Variants in EGFR observed in about 807,000 individuals in gnomAD.
EGFR encodes epidermal growth factor receptor.
Under a neutral mutation model 143.0 loss-of-function variants are expected in EGFR, and 58 were observed. The observed-to-expected ratio is 0.41, with a 90% CI of 0.33 to 0.50. EGFR has a LOEUF of 0.50. EGFR is among the 20% of genes least tolerant of loss of function. The pLI, the probability that EGFR is intolerant of heterozygous loss-of-function variation, is 0.39. For missense variants in EGFR, 1,307 were observed against 1,579.0 expected (o/e 0.83, Z 2.92); for synonymous variants, 613 against 594.4 (o/e 1.03, Z -0.45).
At chr7:55,156,010 C>A in intron 8 of EGFR, 64 bp downstream of exon 8, 1 of 1,134,500 alleles carries the variant, frequency 8.8e-7, no homozygotes, top group Non-Finnish European at 1.3e-6. Context: ...GCTCTCATGC[C>A]ACCTCCAAAG....
At chr7:55,035,983 A>G (rs1787542486) in intron 1 of EGFR, among the ~76,000 whole-genome samples, 1 of 151,882 alleles carries the variant, frequency 6.6e-6, no homozygotes, top group Admixed American at 6.6e-5. Context: ...AAAGCCCACT[A>G]TTTTAATTAT....
intron 1 of EGFR, among the ~76,000 whole-genome samples, chr7:55,120,165 G>A (rs1184245104): frequency 6.6e-6 from 1 of 152,172 alleles, no homozygotes; most frequent in Non-Finnish European, 1.5e-5. Flanking sequence ...CTGTGATCAG[G>A]TGCTGCCCTC....
At chr7:55,068,647 T>C (rs1177107003) in intron 1 of EGFR, among the ~76,000 whole-genome samples, 1 of 151,272 alleles carries the variant, frequency 6.6e-6, no homozygotes, top group East Asian at 2.0e-4. Flanking sequence ...CGTTACCAAC[T>C]GGCACAATTC....
At chr7:55,170,597 G>A in intron 15 of EGFR, 1 of 1,607,900 alleles carries the variant, frequency 6.2e-7, no homozygotes, top group Non-Finnish European at 8.5e-7. Flanking sequence ...TGCCACCCCT[G>A]CACGTGGGCC....
chr7:55,141,160 T>A (rs1794436710), intron 1 of EGFR, among the ~76,000 whole-genome samples: 1 of 152,168 alleles, frequency 6.6e-6, no homozygotes, highest in African/African-American at 2.4e-5. Context: ...CAATCCAACA[T>A]CCAAAGCCAG....
At position 55,033,701 on chromosome 7, in the gene EGFR, C is replaced by T. The variant is rs60770898; in HGVS notation, c.88+14336C>T. On this transcript the variant is annotated intron_variant, in intron 1 of 27. Coordinates refer to ENST00000275493, the MANE Select transcript of EGFR (RefSeq NM_005228.5). ...TCCCGTGGTCTGGACCCTGGGAAGTCGCCAAGAGCCAGACAGGAGAAAGGC... is the reference window on the plus strand; with the variant it reads ...TCCCGTGGTCTGGACCCTGGGAAGTTGCCAAGAGCCAGACAGGAGAAAGGC... Among the ~76,000 whole-genome samples the T allele has an allele frequency of 3.4e-3, 515 of 152,240 alleles. 4 individuals carry two copies. The highest frequency in any genetic ancestry group is 0.027 in the East Asian group (139 of 5,160).
intron 1 of EGFR, among the ~76,000 whole-genome samples, chr7:55,125,454 C>T (rs1002712855): frequency 2.0e-5 from 3 of 152,222 alleles, no homozygotes; most frequent in South Asian, 4.1e-4. Flanking sequence ...CTGCCAGAAG[C>T]CAGGCTCATT....
chr7:55,069,866 A>G (rs1254717501), intron 1 of EGFR, among the ~76,000 whole-genome samples: 3 of 152,216 alleles, frequency 2.0e-5, no homozygotes, highest in Admixed American at 2.0e-4. Flanking sequence ...CCCACTAATC[A>G]TCATTCTCTG....
At chr7:55,163,693 C>T in intron 13 of EGFR, 40 bp from the exon 14 acceptor site, 3 of 1,564,848 alleles carry the variant, frequency 1.9e-6, no homozygotes, top group Non-Finnish European at 2.6e-6. Flanking sequence ...GCAATAATGT[C>T]TCAGGGGTGG....
At chr7:55,074,251 A>G (rs1790007977) in intron 1 of EGFR, among the ~76,000 whole-genome samples, 1 of 152,226 alleles carries the variant, frequency 6.6e-6, no homozygotes, top group African/African-American at 2.4e-5. Flanking sequence ...TTCGACCATG[A>G]GTCCTGTCCA....
At chr7:55,047,939 C>T (rs1583906710) in intron 1 of EGFR, among the ~76,000 whole-genome samples, 1 of 151,894 alleles carries the variant, frequency 6.6e-6, no homozygotes. Context: ...TATATCTAGA[C>T]AAATGTGAAT....
intron 23 of EGFR, 92 bp downstream of exon 23, chr7:55,198,955 A>G (rs2128969106): frequency 6.6e-7 from 1 of 1,517,434 alleles, no homozygotes; most frequent in African/African-American, 1.4e-5. Flanking sequence ...CCCTGGAGAA[A>G]TGTCATCACA....
intron 23 of EGFR, 146 bp downstream of exon 23, chr7:55,199,009 C>T (rs1787736575): frequency 9.5e-7 from 1 of 1,057,080 alleles, no homozygotes; most frequent in Non-Finnish European, 1.4e-6. Flanking sequence ...CTGTAAATAC[C>T]CCTTCAAGCA....
At chr7:55,039,250 A>G (rs909862628) in intron 1 of EGFR, among the ~76,000 whole-genome samples, 1 of 152,214 alleles carries the variant, frequency 6.6e-6, no homozygotes, top group Non-Finnish European at 1.5e-5. Context: ...AAGGCTTTCT[A>G]TGACCTGCTC....
chr7:55,027,879 T>C lies in EGFR; in HGVS notation c.88+8514T>C, dbSNP rs373338322. Among the ~76,000 whole-genome samples the C allele has an allele frequency of 4.6e-5, 7 of 151,674 alleles. No individual in the cohort carries two copies. The East Asian group carries it at 9.7e-4, about 21-fold the overall frequency. On this transcript the variant is annotated intron_variant, in intron 1 of 27. Coordinates refer to ENST00000275493, the MANE Select transcript of EGFR (RefSeq NM_005228.5). ...AAAGCTGTACAATGTTACCTATTTA[T>C]TTGCAGACATCCTTTGGAAACAAAT...
intron 1 of EGFR, among the ~76,000 whole-genome samples, chr7:55,049,445 C>A (rs759788105): frequency 6.6e-6 from 1 of 152,184 alleles, no homozygotes; most frequent in African/African-American, 2.4e-5. Context: ...AAGGGTTAGG[C>A]CTAGGCTTTT....
At chr7:55,117,791 C>G (rs974925184) in intron 1 of EGFR, among the ~76,000 whole-genome samples, 1 of 152,180 alleles carries the variant, frequency 6.6e-6, no homozygotes, top group African/African-American at 2.4e-5. Flanking sequence ...ACAGTCAGGG[C>G]TGCGGAAAAG....
intron 13 of EGFR, among the ~76,000 whole-genome samples, chr7:55,162,387 G>A (rs557916937): frequency 4.6e-5 from 7 of 152,366 alleles, no homozygotes; most frequent in African/African-American, 1.7e-4. Flanking sequence ...ATGGACCACA[G>A]CTTGGATCCA....
chr7:55,202,805 C>T (rs1271230638), intron 27 of EGFR, 180 bp downstream of exon 27: 1 of 715,448 alleles, frequency 1.4e-6, no homozygotes, highest in African/African-American at 1.7e-5. Flanking sequence ...CGAGCCTGCA[C>T]AAGCTCTTTG....
Sources: gnomAD v4.1 joint callset for allele counts (sites outside exome capture counted in the v4.1 genomes callset) on GRCh38, gnomAD v4.1.1 for gene constraint, MANE v1.5 for transcripts, NCBI Gene and HGNC (gene_info 2026-07-23, HGNC 2026-07-21) for gene names.